Variants in ME1 observed in about 807,000 individuals in gnomAD.
ME1 encodes the protein malic enzyme 1, also known as NADP-dependent malic enzyme.
Under a neutral mutation model 66.4 loss-of-function variants are expected in ME1, and 74 were observed. The observed-to-expected ratio is 1.11, with a 90% confidence interval of 0.92 to 1.35. The LOEUF (loss-of-function observed/expected upper bound fraction) is 1.35, where lower values mean the gene tolerates loss of function less well. Ranked by LOEUF, ME1 falls within the 40% of genes most tolerant of loss-of-function variation. ME1 has a pLI of 0.00. For missense variants in ME1, 750 were observed against 694.1 expected (o/e 1.08, Z -0.90); for synonymous variants, 251 against 235.6 (o/e 1.07, Z -0.60).
chr6:83,430,282 A>G (rs993432576), intron 1 of ME1, among the ~76,000 whole-genome samples: 6 of 152,212 alleles, frequency 3.9e-5, no homozygotes, highest in Admixed American at 2.6e-4. Flanking sequence ...CAAGCCATGC[A>G]AAGTGTCCAA....
chr6:83,288,669 C>A lies in ME1; in HGVS notation c.704+26641G>T, dbSNP rs747322593. ...TTTTGGTTCCATATGAAATTTAAAG[C>A]AGTTTTTTCTAATTCTGTGAAGAAA... is the stretch of plus-strand genomic sequence containing the variant. On this transcript the variant is annotated intron_variant, in intron 6 of 13. Coordinates refer to ENST00000369705, the MANE Select transcript of ME1 (RefSeq NM_002395.6). Among the ~76,000 whole-genome samples, 3 of 151,912 alleles carry A rather than the reference C, an allele frequency of 2.0e-5. No homozygotes were observed. The South Asian group carries it at 6.2e-4, about 32-fold the overall frequency.
intron 5 of ME1, among the ~76,000 whole-genome samples, chr6:83,325,486 C>A (rs1019848551): frequency 1.3e-5 from 2 of 152,182 alleles, no homozygotes; most frequent in Non-Finnish European, 2.9e-5. Context: ...AGCACAAAAA[C>A]TCCTTAAGCT....
chr6:83,259,676 T>C (rs900296504), intron 6 of ME1, among the ~76,000 whole-genome samples: 1 of 152,206 alleles, frequency 6.6e-6, no homozygotes, highest in Admixed American at 6.5e-5. Flanking sequence ...CAATTCTTCT[T>C]TGTAGGTAAC....
At chr6:83,387,116 C>T (rs1180721681) in intron 3 of ME1, among the ~76,000 whole-genome samples, 2 of 152,030 alleles carry the variant, frequency 1.3e-5, no homozygotes, top group Non-Finnish European at 2.9e-5. Flanking sequence ...ACAACTTAGG[C>T]TCATTTTACA....
intron 13 of ME1, among the ~76,000 whole-genome samples, chr6:83,215,369 T>C (rs1216207223): frequency 1.3e-5 from 2 of 152,166 alleles, no homozygotes; most frequent in African/African-American, 4.8e-5. Flanking sequence ...CTGCTGAAGA[T>C]TGTACAATGC....
At chr6:83,329,889 T>C (rs1288928620) in intron 5 of ME1, among the ~76,000 whole-genome samples, 4 of 152,194 alleles carry the variant, frequency 2.6e-5, no homozygotes, top group Admixed American at 1.3e-4. Context: ...GGCATGATCA[T>C]AGACAGCTCA....
At chr6:83,407,257 G>T (rs1467174177) in intron 2 of ME1, among the ~76,000 whole-genome samples, 1 of 152,166 alleles carries the variant, frequency 6.6e-6, no homozygotes, top group Non-Finnish European at 1.5e-5. Context: ...GGTTGCTCAA[G>T]GATCTACTGC....
rs182645322 is a variant in ME1 at position 83,356,816 on chromosome 6, C to T, written c.363-4677G>A. ...CGCATCACTACCAAATGATGTAATG[C>T]ATTTCCTACAAATAAAAATATTCTC... On this transcript the variant is annotated intron_variant, in intron 3 of 13. Coordinates refer to ENST00000369705, the MANE Select transcript of ME1 (RefSeq NM_002395.6). Among the ~76,000 whole-genome samples the T allele has an allele frequency of 2.0e-3, 298 of 152,216 alleles. 2 individuals carry two copies. Among genetic ancestry groups the T allele is most frequent in the African/African-American group, 6.5e-3 (272 of 41,544 alleles).
chr6:83,221,292 C>T (rs1303779525), intron 12 of ME1, among the ~76,000 whole-genome samples: 3 of 152,096 alleles, frequency 2.0e-5, no homozygotes, highest in East Asian at 1.9e-4. Context: ...GTCATGGCTA[C>T]GGAGAAAGAT....
intron 6 of ME1, among the ~76,000 whole-genome samples, chr6:83,256,471 C>T (rs1766775136): frequency 6.6e-6 from 1 of 151,956 alleles, no homozygotes; most frequent in Non-Finnish European, 1.5e-5. Flanking sequence ...TACAGAAATG[C>T]AAATCAAAAC....
intron 5 of ME1, among the ~76,000 whole-genome samples, chr6:83,320,710 T>G (rs1177768465): frequency 2.0e-5 from 3 of 152,232 alleles, no homozygotes; most frequent in Non-Finnish European, 4.4e-5. Flanking sequence ...ATGCTACGTT[T>G]CCCCTTCTCT....
intron 6 of ME1, among the ~76,000 whole-genome samples, chr6:83,293,123 G>A (rs925607973): frequency 2.0e-5 from 3 of 152,118 alleles, no homozygotes; most frequent in African/African-American, 7.2e-5. Context: ...ACCCTGCCCT[G>A]CTTCAGCTTG....
intron 6 of ME1, among the ~76,000 whole-genome samples, chr6:83,259,844 G>A (rs530009909): frequency 6.6e-6 from 1 of 151,930 alleles, no homozygotes; most frequent in African/African-American, 2.4e-5. Context: ...TATTCTTTGT[G>A]ACAGTAGAAA....
intron 6 of ME1, among the ~76,000 whole-genome samples, chr6:83,257,455 G>A (rs911371940): frequency 3.9e-5 from 6 of 152,040 alleles, no homozygotes; most frequent in African/African-American, 1.2e-4. Flanking sequence ...AAACAGCAAC[G>A]ATATTGCAAG....
intron 1 of ME1, among the ~76,000 whole-genome samples, chr6:83,422,238 G>T (rs955954433): frequency 6.6e-6 from 1 of 152,096 alleles, no homozygotes; most frequent in Admixed American, 6.6e-5. Flanking sequence ...TCCACTGGGC[G>T]GTACACATAA....
At chr6:83,356,298 C>T (rs1768887965) in intron 3 of ME1, among the ~76,000 whole-genome samples, 1 of 152,030 alleles carries the variant, frequency 6.6e-6, no homozygotes, top group African/African-American at 2.4e-5. Context: ...GAAAAGTAAA[C>T]CCCACATTTT....
intron 6 of ME1, among the ~76,000 whole-genome samples, chr6:83,270,883 T>C (rs1767070561): frequency 6.6e-6 from 1 of 152,034 alleles, no homozygotes; most frequent in Non-Finnish European, 1.5e-5. Flanking sequence ...AAAGGATTCA[T>C]AACTGTTCCA....
At chr6:83,229,099 G>A (rs140068328) in intron 9 of ME1, 168 bp from the exon 10 acceptor site, 6,300 of 617,284 alleles carry the variant, frequency 0.01, 46 homozygotes, top group Non-Finnish European at 0.014. Flanking sequence ...TCATTCATTC[G>A]TTTAACAAAT....
At chr6:83,409,364 TG>T (rs967528275) in intron 1 of ME1, among the ~76,000 whole-genome samples, 23 of 152,208 alleles carry the variant, frequency 1.5e-4, no homozygotes, top group African/African-American at 5.5e-4. Context: ...CCTCTGTCCC[TG>T]AAAGCTTCTT....
Sources: allele counts gnomAD v4.1 joint callset (sites outside exome capture counted in the v4.1 genomes callset), GRCh38; gene constraint gnomAD v4.1.1; transcripts MANE v1.5; gene names NCBI Gene and HGNC (gene_info 2026-07-23, HGNC 2026-07-21).